The following KIAA1671 variants were observed in gnomAD, a reference collection of about 807,000 sequenced individuals.
The protein encoded by KIAA1671 is KIAA1671.
A neutral mutation model predicts 131.2 loss-of-function variants in KIAA1671; 52 were observed. The ratio of observed to expected loss-of-function variants is 0.40; its 90% CI spans 0.32 to 0.50. KIAA1671 has a LOEUF of 0.50. Among genes scored for constraint, KIAA1671 ranks in the 20% least tolerant of loss-of-function variants. The pLI is 0.73. For synonymous variants in KIAA1671, 1,003 were observed against 961.6 expected (o/e 1.04, Z -0.80); for missense variants, 2,360 against 2,364.2 (o/e 1.00, Z 0.04).
intron 6 of KIAA1671, among the ~76,000 whole-genome samples, chr22:25,103,639 T>C (rs550515372): frequency 1.3e-5 from 2 of 152,282 alleles, no homozygotes; most frequent in East Asian, 3.9e-4. Context: ...ATTACAGGTG[T>C]GAGCCACTGC....
chr22:25,107,176 C>A (rs1931054181), intron 6 of KIAA1671, among the ~76,000 whole-genome samples: 1 of 152,092 alleles, frequency 6.6e-6, no homozygotes, highest in Non-Finnish European at 1.5e-5. Context: ...GGGGGCAGAT[C>A]ACGAGATCAG....
At position 25,028,486 on chromosome 22, in the gene KIAA1671, G is replaced by A. The variant is rs1926085498; in HGVS notation, c.487G>A (p.Gly163Arg). 4 of 1,549,696 alleles carry A rather than the reference G, an allele frequency of 2.6e-6. No individual in the cohort carries two copies. Among genetic ancestry groups the A allele is most frequent in the Non-Finnish European group, 3.5e-6 (4 of 1,146,236 alleles). ...CGCTCTGGGGAAGGCGGTTAGTGAGGGGGCGGAGGAGGCCAAGCTAGGTGT... is the reference window on the plus strand; with the variant it reads ...CGCTCTGGGGAAGGCGGTTAGTGAGAGGGCGGAGGAGGCCAAGCTAGGTGT... ...GPALGKAVSE[G>R]AEEAKLGVSG... Residue 163 changes from glycine (G) to arginine (R), a missense_variant, in exon 3 of 13, where the codon GGG (glycine) becomes AGG (arginine). Around this residue, in one of 3 missense-constraint regions of KIAA1671, gnomAD observed 1,185 missense variants for 1,126.2 expected, o/e 1.05. Coordinates refer to ENST00000358431, the MANE Select transcript of KIAA1671 (RefSeq NM_001145206.2).
At chr22:25,105,773 T>C (rs1027609008) in intron 6 of KIAA1671, among the ~76,000 whole-genome samples, 19 of 149,434 alleles carry the variant, frequency 1.3e-4, no homozygotes, top group Non-Finnish European at 1.6e-4. Flanking sequence ...CCATCCAGAC[T>C]GATTTGGTGA....
intron 6 of KIAA1671, chr22:25,055,791 T>C (rs1308344249): frequency 9.1e-6 from 1 of 109,572 alleles, no homozygotes; most frequent in Non-Finnish European, 2.0e-5. Flanking sequence ...TATATATAGA[T>C]AGATATAGAT....
At chr22:25,087,429 C>G (rs1929785880) in intron 6 of KIAA1671, among the ~76,000 whole-genome samples, 1 of 152,090 alleles carries the variant, frequency 6.6e-6, no homozygotes, top group Admixed American at 6.6e-5. Context: ...ACTGAAAATA[C>G]AAAAATTAGG....
intron 6 of KIAA1671, among the ~76,000 whole-genome samples, chr22:25,077,316 G>T (rs892160182): frequency 6.7e-6 from 1 of 149,366 alleles, no homozygotes; most frequent in East Asian, 1.9e-4. Flanking sequence ...GAGGAACTGT[G>T]CTGAGGATTA....
chr22:25,141,083 C>G (rs1223541354), intron 6 of KIAA1671, among the ~76,000 whole-genome samples: 2 of 152,132 alleles, frequency 1.3e-5, no homozygotes, highest in African/African-American at 4.8e-5. Flanking sequence ...CTGGGAGAAC[C>G]AGACGTTAAA....
chr22:25,034,409 G>A (rs1461516809), intron 4 of KIAA1671, among the ~76,000 whole-genome samples: 2 of 151,152 alleles, frequency 1.3e-5, no homozygotes, highest in Admixed American at 6.6e-5. Flanking sequence ...CTTTCTGTCC[G>A]TGTAGATTAG....
rs557793825 is a variant in KIAA1671 at position 25,091,659 on chromosome 22, C to T, written c.4530+42295C>T. The stretch of plus-strand genomic sequence containing the variant: ...TTGAAGATTTCAGTTGCCATGGCTA[C>T]GGGTAATACAGTGAATCATGTTCTC... On this transcript the variant is annotated intron_variant, in intron 6 of 12. Transcript: ENST00000358431. Among the ~76,000 whole-genome samples, 4 of 152,296 alleles carry T rather than the reference C, an allele frequency of 2.6e-5. No individual in the cohort carries two copies. The South Asian group carries it at 6.2e-4, about 24-fold the overall frequency.
intron 6 of KIAA1671, chr22:25,051,461 A>G (rs1358415706): frequency 6.6e-6 from 1 of 152,252 alleles, no homozygotes; most frequent in Non-Finnish European, 1.5e-5. Flanking sequence ...TTTTGTGAGT[A>G]GTAAATGAGA....
At chr22:25,056,845 G>C (rs951987348) in intron 6 of KIAA1671, 1 of 149,820 alleles carries the variant, frequency 6.7e-6, no homozygotes, top group Admixed American at 6.7e-5. Flanking sequence ...GCAGTGAAGT[G>C]AGATGAGCTC....
chr22:24,957,538 A>C (rs1921775801), intron 1 of KIAA1671, among the ~76,000 whole-genome samples: 2 of 152,122 alleles, frequency 1.3e-5, no homozygotes, highest in Non-Finnish European at 2.9e-5. Flanking sequence ...GTGTGAACCT[A>C]GATAAGCCAT....
intron 6 of KIAA1671, chr22:25,057,997 G>GA (rs1414740009): frequency 6.6e-6 from 1 of 152,138 alleles, no homozygotes; most frequent in African/African-American, 2.4e-5. Flanking sequence ...ATGAGTTATG[G>GA]AAAAAGCAAG....
chr22:25,140,683 G>A (rs1932794575), intron 6 of KIAA1671, among the ~76,000 whole-genome samples: 1 of 152,222 alleles, frequency 6.6e-6, no homozygotes, highest in African/African-American at 2.4e-5. Context: ...GAGCCGTGAG[G>A]GTCGATGCCA....
intron 1 of KIAA1671, among the ~76,000 whole-genome samples, chr22:24,973,389 GTTT>G (rs57519039): frequency 2.8e-5 from 2 of 71,646 alleles, no homozygotes; most frequent in Admixed American, 2.1e-4. Context: ...GCATATGATG[GTTT>G]TTTTTTTTTT....
intron 6 of KIAA1671, among the ~76,000 whole-genome samples, chr22:25,133,617 A>G (rs951842266): frequency 1.3e-5 from 2 of 152,106 alleles, no homozygotes; most frequent in Admixed American, 6.5e-5. Context: ...ATCATAGTTC[A>G]CTGCAGCCTC....
chr22:25,029,396 CA>C lies in KIAA1671; in HGVS notation c.1398del (p.Ser467ArgfsTer11). ...SESPLATPAS[P>X]SAAPEPEKGV... ...TCTCCCCTGGCCACCCCTGCGTCCC[CA>C]TCGGCGGCACCAGAGCCGGAGAAAG... is the stretch of plus-strand genomic sequence containing the variant. On this transcript the variant is annotated frameshift_variant, in exon 3 of 13. Transcript: ENST00000358431. LOFTEE classifies it high-confidence loss of function. The C allele has an allele frequency of 6.4e-7, 1 of 1,551,436 alleles. No individual in the cohort carries two copies. Among genetic ancestry groups the C allele is most frequent in the African/African-American group, 1.4e-5 (1 of 73,182 alleles).
At chr22:25,087,555 C>T (rs771185121) in intron 6 of KIAA1671, among the ~76,000 whole-genome samples, 2 of 152,202 alleles carry the variant, frequency 1.3e-5, no homozygotes, top group Non-Finnish European at 2.9e-5. Context: ...TGCACTCCTG[C>T]CTGGTAGACA....
At chr22:25,076,644 C>T (rs1929124084) in intron 6 of KIAA1671, among the ~76,000 whole-genome samples, 2 of 152,208 alleles carry the variant, frequency 1.3e-5, no homozygotes, top group Admixed American at 1.3e-4. Flanking sequence ...GTTATTTAAT[C>T]TCCTTTGTTG....
Sources: allele counts gnomAD v4.1 joint callset (sites outside exome capture counted in the v4.1 genomes callset), GRCh38; gene constraint gnomAD v4.1.1; regional missense constraint gnomAD v4.1.1; transcripts MANE v1.5; gene names NCBI Gene and HGNC (gene_info 2026-07-23, HGNC 2026-07-21).